Variants in SEC23IP observed in about 807,000 individuals in gnomAD.
SEC23IP encodes SEC23 interacting protein.
SEC23IP carries 70 observed loss-of-function variants against 113.4 expected under a neutral mutation model. That is an observed-to-expected ratio of 0.62 (90% CI 0.51 to 0.75). The LOEUF (loss-of-function observed/expected upper bound fraction) is 0.75. Among genes scored for constraint, SEC23IP ranks in the 30% least tolerant of loss-of-function variants. The pLI, the probability that SEC23IP is intolerant of heterozygous loss-of-function variation, is 0.00. For missense variants in SEC23IP, 1,160 were observed against 1,204.9 expected (o/e 0.96, Z 0.55); for synonymous variants, 398 against 421.0 (o/e 0.95, Z 0.67).
intron 4 of SEC23IP, 147 bp from the exon 5 acceptor site, chr10:119,908,894 G>T: frequency 1.7e-6 from 1 of 597,886 alleles, no homozygotes. Flanking sequence ...TGTGTAAGGT[G>T]ATAAAAAATA....
chr10:119,917,003 G>C (rs984485001), intron 8 of SEC23IP, among the ~76,000 whole-genome samples: 5 of 151,906 alleles, frequency 3.3e-5, no homozygotes, highest in African/African-American at 9.7e-5. Context: ...CAAGTAGCTG[G>C]GACTATAGGT....
intron 5 of SEC23IP, among the ~76,000 whole-genome samples, chr10:119,911,703 G>A (rs12767398): frequency 0.055 from 8,321 of 152,142 alleles, 430 homozygotes; most frequent in South Asian, 0.27. Context: ...TTGAACGCCT[G>A]GGCTCAAGTG....
In SEC23IP at chr10:119,898,770, G is replaced by A; in HGVS notation, c.507G>A (p.Gly169=). 6.2e-7 allele frequency: 1 copy of A among 1,613,996 alleles called. No homozygotes were observed. The highest frequency in any genetic ancestry group is 1.1e-5 in the South Asian group (1 of 91,076). ...GTAGTCTCCCTCCTTCATATTTTGG[G>A]AACCAACCCCAAGGAATTCCCCAAC... ...QPSSLPPSYF[G]NQPQGIPQPG... is the part of the protein sequence containing the mutation. The change falls in exon 2 of 19, where the codon GGG becomes GGA. Residue 169 remains glycine, a synonymous_variant. Transcript: ENST00000369075.
At chr10:119,896,074 G>A in intron 1 of SEC23IP, among the ~76,000 whole-genome samples, 1 of 152,228 alleles carries the variant, frequency 6.6e-6, no homozygotes, top group East Asian at 1.9e-4. Flanking sequence ...GGGAGGCATA[G>A]TGAGAGGCTG....
chr10:119,908,891 G>A (rs1265738422), intron 4 of SEC23IP, 150 bp from the exon 5 acceptor site: 2 of 593,692 alleles, frequency 3.4e-6, no homozygotes, highest in African/African-American at 3.7e-5. Flanking sequence ...GTATGTGTAA[G>A]GTGATAAAAA....
In SEC23IP at chr10:119,909,124, T is replaced by G. The variant is rs1036759654; in HGVS notation, c.1185T>G (p.Asn395Lys). The change falls in exon 5 of 19, where the codon AAT (asparagine) becomes AAG (lysine). Residue 395 changes from asparagine (N) to lysine (K), a missense_variant. Physicochemically the swap from Asn to Lys is moderately conservative, Grantham distance 94. Coordinates refer to ENST00000369075, the MANE Select transcript of SEC23IP (RefSeq NM_007190.4). ...FPSGETIVMH[N>K]PKVIVQFQPS... Reference sequence around the variant, plus strand: ...GTGGAGAGACAATTGTTATGCACAATCCAAAGGTAATGATGGTGTTCAAAA... The same window carrying G: ...GTGGAGAGACAATTGTTATGCACAAGCCAAAGGTAATGATGGTGTTCAAAA... 4 of 1,603,584 alleles carry G rather than the reference T, an allele frequency of 2.5e-6. No individual in the cohort carries two copies. The highest frequency in any genetic ancestry group is 3.4e-6 in the Non-Finnish European group (4 of 1,173,628).
rs1343476676 is a variant in SEC23IP at position 119,941,341 on chromosome 10, C to T, written c.*776C>T. 1 of 152,166 alleles carries T rather than the reference C, an allele frequency of 6.6e-6. No individual in the cohort carries two copies. Among genetic ancestry groups the T allele is most frequent in the African/African-American group, 2.4e-5 (1 of 41,436 alleles). The allele number at this position is 152,166 out of a possible 1,614,324, so 9.4% of individuals were successfully genotyped here. On this transcript the variant is annotated 3_prime_UTR_variant, in exon 19 of 19. Transcript: ENST00000369075. ...TGCACTTGCCTTGTTGCTGAAGTTCCAATAATGTGAAAACCAAAGTAGAGG... is the reference window on the plus strand; with the variant it reads ...TGCACTTGCCTTGTTGCTGAAGTTCTAATAATGTGAAAACCAAAGTAGAGG...
chr10:119,898,645 G>A lies in SEC23IP; in HGVS notation c.382G>A (p.Asp128Asn). 1 of 1,614,192 alleles carries A rather than the reference G, an allele frequency of 6.2e-7. No individual in the cohort carries two copies. The highest frequency in any genetic ancestry group is 8.5e-7 in the Non-Finnish European group (1 of 1,180,038). ...TCTCCCTTTTACAACTGGATCCCAAGATGTCTCGAATGCATTTTCACCATC... is the reference window on the plus strand; with the variant it reads ...TCTCCCTTTTACAACTGGATCCCAAAATGTCTCGAATGCATTTTCACCATC... ...TALPFTTGSQ[D>N]VSNAFSPSIS... The change falls in exon 2 of 19, where the codon GAT becomes AAT. Residue 128 changes from aspartate to asparagine, a missense_variant. By Grantham distance (23) the Asp-to-Asn change is conservative. Transcript: ENST00000369075.
chr10:119,910,964 T>C (rs895674702), intron 5 of SEC23IP, among the ~76,000 whole-genome samples: 6 of 151,278 alleles, frequency 4.0e-5, no homozygotes, highest in Non-Finnish European at 8.8e-5. Flanking sequence ...AGATTACAGG[T>C]GTGAGCCAAC....
At chr10:119,902,593 A>G (rs1466932080) in intron 2 of SEC23IP, among the ~76,000 whole-genome samples, 1 of 152,138 alleles carries the variant, frequency 6.6e-6, no homozygotes, top group African/African-American at 2.4e-5. Flanking sequence ...GGGTATAGAT[A>G]TCCCTCACCT....
In SEC23IP at chr10:119,904,097, G is replaced by T. The variant is rs772942317; in HGVS notation, c.921G>T (p.Pro307=). 4.3e-6 allele frequency: 7 copies of T among 1,614,096 alleles called. No homozygotes were observed. In the South Asian group the frequency reaches 7.7e-5, roughly 18 times the overall value. Residue 307 remains proline (P), a synonymous_variant, in exon 4 of 19, where the codon CCG becomes CCT. Coordinates refer to ENST00000369075, the MANE Select transcript of SEC23IP (RefSeq NM_007190.4). ...EEIYNSVQPD[P]ESVVLGTDGG... is the part of the protein sequence containing the mutation. ...TTTGTTCTCTAGTTCAGCCAGATCC[G>T]GAGAGCGTGGTTCTTGGCACGGATG...
chr10:119,926,359 T>A, intron 13 of SEC23IP, 132 bp downstream of exon 13: 1 of 957,370 alleles, frequency 1.0e-6, no homozygotes, highest in Non-Finnish European at 1.5e-6. Context: ...GATTTTCTCT[T>A]AGTGAAAATT....
At position 119,944,561 on chromosome 10, in the gene SEC23IP, G is replaced by T; in HGVS notation, c.*3996G>T. Reference sequence around the variant, plus strand: ...GAGGTTGGAAAGAACATCACAACTGGGGCGACTGAAGAAATTATGTTGTTA... The same window carrying T: ...GAGGTTGGAAAGAACATCACAACTGTGGCGACTGAAGAAATTATGTTGTTA... On this transcript the variant is annotated 3_prime_UTR_variant, in exon 19 of 19. Transcript: ENST00000369075. 1 of 152,320 alleles carries T rather than the reference G, an allele frequency of 6.6e-6. No individual in the cohort carries two copies. The allele number at this position is 152,320 out of a possible 1,614,324, so 9.4% of individuals were successfully genotyped here. A position where few individuals can be genotyped will look rare whatever the true frequency, so the allele number is the denominator to read the frequency against.
chr10:119,901,974 A>G (rs1222422278), intron 2 of SEC23IP, among the ~76,000 whole-genome samples: 1 of 152,186 alleles, frequency 6.6e-6, no homozygotes, highest in Non-Finnish European at 1.5e-5. Flanking sequence ...GGTGTGAGCC[A>G]CTGCACCTGG....
intron 5 of SEC23IP, among the ~76,000 whole-genome samples, chr10:119,909,468 C>T (rs1854788926): frequency 6.6e-6 from 1 of 152,114 alleles, no homozygotes; most frequent in South Asian, 2.1e-4. Flanking sequence ...TGCCTGTAGT[C>T]CCAGCTACTC....
intron 12 of SEC23IP, among the ~76,000 whole-genome samples, chr10:119,924,357 T>C (rs991539449): frequency 2.6e-5 from 4 of 152,194 alleles, no homozygotes; most frequent in Admixed American, 2.0e-4. Flanking sequence ...GATGTTATTG[T>C]TGCTGCTGTA....
At chr10:119,917,727 G>T in intron 8 of SEC23IP, 109 bp from the exon 9 acceptor site, 1 of 735,840 alleles carries the variant, frequency 1.4e-6, no homozygotes, top group Non-Finnish European at 2.2e-6. Flanking sequence ...CTCATAGTCT[G>T]TGGGGTTTTC....
intron 9 of SEC23IP, 77 bp downstream of exon 9, chr10:119,918,121 TA>T: frequency 8.7e-7 from 1 of 1,150,964 alleles, no homozygotes. Context: ...GTGATATTGT[TA>T]GTGCAAAATT....
At chr10:119,929,009 G>A (rs572296470) in intron 13 of SEC23IP, among the ~76,000 whole-genome samples, 78 of 152,322 alleles carry the variant, frequency 5.1e-4, no homozygotes, top group African/African-American at 1.8e-3. Flanking sequence ...AGGAAACTGA[G>A]GTGGAGGAGA....
Sources: gnomAD v4.1 joint callset for allele counts (sites outside exome capture counted in the v4.1 genomes callset) on GRCh38, gnomAD v4.1.1 for gene constraint, MANE v1.5 for transcripts, NCBI Gene and HGNC (gene_info 2026-07-23, HGNC 2026-07-21) for gene names.